Variants in CRYBG1 observed in about 807,000 individuals in gnomAD.
CRYBG1 encodes crystallin beta-gamma domain containing 1, also known as beta/gamma crystallin domain-containing protein 1.
Under a neutral mutation model 189.2 loss-of-function variants are expected in CRYBG1, and 139 were observed. That is an observed-to-expected ratio of 0.73 (90% CI 0.64 to 0.85). CRYBG1 has a LOEUF of 0.85. Ranked by LOEUF, CRYBG1 falls within the 40% of genes least tolerant of loss-of-function variation. CRYBG1 has a pLI of 0.00. For missense variants in CRYBG1, 2,611 were observed against 2,675.8 expected, an observed-to-expected ratio of 0.98 and a Z score of 0.53; for synonymous variants, 1,023 against 1,017.1, an observed-to-expected ratio of 1.01 and a Z score of -0.11.
chr6:106,567,417 G>C (rs1017720103), intron 21 of CRYBG1, among the ~76,000 whole-genome samples: 9 of 152,238 alleles, frequency 5.9e-5, no homozygotes, highest in African/African-American at 2.2e-4. Context: ...CACAAGAGAA[G>C]AGACGATTTC....
chr6:106,544,933 T>G lies in CRYBG1; in HGVS notation c.5312T>G (p.Val1771Gly). 6.3e-7 allele frequency: 1 copy of G among 1,592,568 alleles called. No homozygotes were observed. Among genetic ancestry groups the G allele is most frequent in the Non-Finnish European group, 8.5e-7 (1 of 1,174,332 alleles). ...KTQSINVLSG[V>G]WVAYENPDFT... ...CAGTCTATTAATGTACTGAGTGGAG[T>G]GTAAGTGAAATAATCCAGTTGGAAT... is the stretch of plus-strand genomic sequence containing the variant. The change falls in exon 13 of 22, where the codon GTA (valine) becomes GGA (glycine). Residue 1771 changes from valine to glycine, a missense_variant and splice_region_variant. Coordinates refer to ENST00000633556, the MANE Select transcript of CRYBG1 (RefSeq NM_001371242.2).
At position 106,511,732 on chromosome 6, in the gene CRYBG1, C is replaced by A. The variant is rs551706662; in HGVS notation, c.615C>A (p.Ala205=). The change falls in exon 3 of 22, where the codon GCC becomes GCA. Residue 205 remains alanine, a synonymous_variant. Coordinates refer to ENST00000633556, the MANE Select transcript of CRYBG1 (RefSeq NM_001371242.2). ...GELPESGGPA[A]PPDAELSPRW... is the part of the protein sequence containing the mutation. Reference sequence around the variant, plus strand: ...TCCCCGAGAGCGGTGGCCCCGCAGCCCCCCCTGACGCCGAGCTGTCACCTC... The same window carrying A: ...TCCCCGAGAGCGGTGGCCCCGCAGCACCCCCTGACGCCGAGCTGTCACCTC... 78 of 1,535,402 alleles carry A rather than the reference C, an allele frequency of 5.1e-5. No individual in the cohort carries two copies. The highest frequency in any genetic ancestry group is 2.9e-4 in the East Asian group (12 of 40,874).
At chr6:106,454,309 G>C (rs549985376) in intron 2 of CRYBG1, among the ~76,000 whole-genome samples, 2 of 152,230 alleles carry the variant, frequency 1.3e-5, no homozygotes, top group South Asian at 4.1e-4. Context: ...TGAGATCATG[G>C]CTGAGAGATT....
At chr6:106,484,539 C>T (rs1582789464) in intron 2 of CRYBG1, among the ~76,000 whole-genome samples, 1 of 152,136 alleles carries the variant, frequency 6.6e-6, no homozygotes, top group East Asian at 1.9e-4. Flanking sequence ...AGGCTGGTCT[C>T]AAACTCCTGG....
At chr6:106,496,359 T>C (rs1772851621) in intron 2 of CRYBG1, among the ~76,000 whole-genome samples, 1 of 152,218 alleles carries the variant, frequency 6.6e-6, no homozygotes, top group Admixed American at 6.5e-5. Context: ...TACTTAACAC[T>C]TTCCTTATCA....
chr6:106,561,549 G>A, intron 20 of CRYBG1, 49 bp downstream of exon 20: 1 of 1,563,012 alleles, frequency 6.4e-7, no homozygotes. Context: ...GCTAGGAGGT[G>A]ACTCATCCTT....
At chr6:106,391,957 G>C (rs1425344933) in intron 1 of CRYBG1, among the ~76,000 whole-genome samples, 1 of 62,380 alleles carries the variant, frequency 1.6e-5, no homozygotes, top group Admixed American at 1.8e-4. Context: ...GTGTGTGTGT[G>C]TGTGTGTGTG....
chr6:106,481,990 C>T (rs1772472413), intron 2 of CRYBG1, among the ~76,000 whole-genome samples: 2 of 150,702 alleles, frequency 1.3e-5, no homozygotes, highest in Non-Finnish European at 2.9e-5. Context: ...GATACACGTT[C>T]TCTCCCAGTC....
chr6:106,387,446 A>G (rs973690177), intron 1 of CRYBG1, among the ~76,000 whole-genome samples: 4 of 152,182 alleles, frequency 2.6e-5, no homozygotes, highest in East Asian at 1.9e-4. Context: ...ACGTCCCTCT[A>G]TACTCACAGC....
intron 2 of CRYBG1, among the ~76,000 whole-genome samples, chr6:106,469,884 A>C (rs376032647): frequency 6.6e-6 from 1 of 152,210 alleles, no homozygotes; most frequent in Non-Finnish European, 1.5e-5. Flanking sequence ...GCCCATGAAG[A>C]CTCAGTGTGA....
chr6:106,397,716 T>C (rs1399725015), intron 1 of CRYBG1, among the ~76,000 whole-genome samples: 1 of 152,192 alleles, frequency 6.6e-6, no homozygotes, highest in African/African-American at 2.4e-5. Context: ...CACCACTAAC[T>C]CCATGACTAC....
Position 106,520,136 on chromosome 6 carries a change from A to G in CRYBG1, c.2928A>G (p.Pro976=). The G allele has an allele frequency of 6.2e-7, 1 of 1,614,174 alleles. No homozygotes were observed. Among genetic ancestry groups the G allele is most frequent in the Non-Finnish European group, 8.5e-7 (1 of 1,180,034 alleles). The part of the protein sequence containing the change: ...STQDVSSQVI[P]ESSEVREVQL... ...AGGATGTGAGCTCCCAGGTCATCCC[A>G]GAGAGCTCTGAAGTTAGAGAAGTGC... Residue 976 remains proline, a synonymous_variant, in exon 4 of 22, where the codon CCA becomes CCG. Coordinates refer to ENST00000633556, the MANE Select transcript of CRYBG1 (RefSeq NM_001371242.2).
At chr6:106,375,414 T>A (rs1432237059) in intron 1 of CRYBG1, among the ~76,000 whole-genome samples, 1 of 121,460 alleles carries the variant, frequency 8.2e-6, no homozygotes, top group Non-Finnish European at 1.6e-5. Context: ...AGTAAGTAAG[T>A]AAGTAAGTAA....
chr6:106,387,006 TTGTAAC>T (rs1269399653), intron 1 of CRYBG1, among the ~76,000 whole-genome samples: 2 of 152,226 alleles, frequency 1.3e-5, no homozygotes, highest in Non-Finnish European at 2.9e-5. Flanking sequence ...TCTTTTATTC[TTGTAAC>T]TGTATCTTTA....
chr6:106,436,919 C>T (rs1477548974), intron 1 of CRYBG1, among the ~76,000 whole-genome samples: 1 of 151,330 alleles, frequency 6.6e-6, no homozygotes, highest in Non-Finnish European at 1.5e-5. Context: ...CCCCCCCCAC[C>T]CCCGAGTAGT....
At position 106,563,891 on chromosome 6, in the gene CRYBG1, G is replaced by A. The variant is rs771709876; in HGVS notation, c.6266G>A (p.Ser2089Asn). 3.7e-6 allele frequency: 6 copies of A among 1,613,024 alleles called. No individual in the cohort carries two copies. In the South Asian group the frequency reaches 5.5e-5, roughly 15 times the overall value. ...TTGAAGTCCGATGGCAGGATTTACA[G>A]CAAGTTGAAGCCAAATTTAGTTTTA... Reference protein sequence around the residue: ...WSLKSDGRIYSKLKPNLVLDI... With the variant: ...WSLKSDGRIYNKLKPNLVLDI... Residue 2089 changes from serine (S) to asparagine (N), a missense_variant, in exon 21 of 22, where the codon AGC (serine) becomes AAC (asparagine). This residue lies in a region of CRYBG1 where 1,622 missense variants were observed against 1,735.0 expected (regional missense o/e 0.93). Transcript: ENST00000633556.
chr6:106,512,726 G>C lies in CRYBG1; in HGVS notation c.1609G>C (p.Ala537Pro). ...GCCCGCCAGCGGCCCCCGGGCTCCC[G>C]CCAAGGAGTCCCCACCCAAGAGGGT... ...APPASGPRAP[A>P]KESPPKRVPD... Residue 537 changes from alanine (A) to proline (P), a missense_variant, in exon 3 of 22, where the codon GCC becomes CCC. By Grantham distance (27) the Ala-to-Pro change is conservative. This residue lies in a region of CRYBG1 where 985 missense variants were observed against 924.4 expected (regional missense o/e 1.07). Transcript: ENST00000633556. 1 of 1,559,944 alleles carries C rather than the reference G, an allele frequency of 6.4e-7. No homozygotes were observed. The highest frequency in any genetic ancestry group is 8.7e-7 in the Non-Finnish European group (1 of 1,152,826).
chr6:106,373,751 A>G (rs1770090892), intron 1 of CRYBG1, among the ~76,000 whole-genome samples: 1 of 152,184 alleles, frequency 6.6e-6, no homozygotes, highest in South Asian at 2.1e-4. Context: ...TGGTATTTAG[A>G]TTACATGTTG....
chr6:106,500,861 G>A (rs192734873), intron 2 of CRYBG1, among the ~76,000 whole-genome samples: 54 of 152,308 alleles, frequency 3.5e-4, no homozygotes, highest in Non-Finnish European at 6.5e-4. Flanking sequence ...GGAGTCATTT[G>A]AGAAAGAGAA....
Sources: gnomAD v4.1 joint callset for allele counts (sites outside exome capture counted in the v4.1 genomes callset) on GRCh38, gnomAD v4.1.1 for gene constraint, gnomAD v4.1.1 regional missense constraint, MANE v1.5 for transcripts, NCBI Gene and HGNC (gene_info 2026-07-23, HGNC 2026-07-21) for gene names.